SLC7A10: variants seen among roughly 807,000 people sequenced by gnomAD.
The protein encoded by SLC7A10 is asc-type amino acid transporter 1.
Under a neutral mutation model 52.7 loss-of-function variants are expected in SLC7A10, and 30 were observed. That is an observed-to-expected ratio of 0.57 (90% CI 0.43 to 0.77). SLC7A10 has a LOEUF of 0.77. Among genes scored for constraint, SLC7A10 ranks in the 30% least tolerant of loss-of-function variants. The pLI is 0.00. For synonymous variants in SLC7A10, 318 were observed against 314.9 expected (o/e 1.01, Z -0.10); for missense variants, 581 against 698.5 (o/e 0.83, Z 1.90).
intron 2 of SLC7A10, 22 bp from the exon 3 acceptor site, chr19:33,213,024 G>A (rs758680727): frequency 1.3e-6 from 2 of 1,576,512 alleles, no homozygotes; most frequent in African/African-American, 2.7e-5. Flanking sequence ...AGGGGCGGGA[G>A]TGGCTCAAGC....
chr19:33,220,679 T>C lies in SLC7A10; in HGVS notation c.152-4706A>G, dbSNP rs370957805. On this transcript the variant is annotated intron_variant, in intron 1 of 10. Coordinates refer to ENST00000253188, the MANE Select transcript of SLC7A10 (RefSeq NM_019849.3). ...ATAGACTGCTCTGCTAAATGAAATC[T>C]GTATATGCAACGAACCACTCAGCCG... Among the ~76,000 whole-genome samples the C allele has an allele frequency of 5.4e-4, 82 of 152,308 alleles. 1 individual carries two copies. In the South Asian group the frequency reaches 0.016, roughly 30 times the overall value.
Position 33,218,661 on chromosome 19 carries a change from A to ATTTC in SLC7A10, c.152-2692_152-2689dup, listed in dbSNP as rs1288783355. Among the ~76,000 whole-genome samples, 7 of 51,160 alleles carry ATTTC rather than the reference A, an allele frequency of 1.4e-4. 1 individual carries two copies. Among genetic ancestry groups the ATTTC allele is most frequent in the Non-Finnish European group, 2.0e-4 (4 of 19,996 alleles). 33.6% of individuals were successfully genotyped at this position (51,160 alleles called of 152,430 possible). A position where few individuals can be genotyped will look rare whatever the true frequency, so the allele number is the denominator to read the frequency against. On this transcript the variant is annotated intron_variant, in intron 1 of 10. Coordinates refer to ENST00000253188, the MANE Select transcript of SLC7A10 (RefSeq NM_019849.3). ...GGAGGGGTATGGGAGGGACCGGTGG[A>ATTTC]TTTCTTTCTTTCTTTCTTTCTTTTT...
Position 33,209,478 on chromosome 19 carries a change from A to C in SLC7A10, c.1271T>G (p.Leu424Arg), listed in dbSNP as rs768272084. 2 of 1,613,776 alleles carry C rather than the reference A, an allele frequency of 1.2e-6. No individual in the cohort carries two copies. Among genetic ancestry groups the C allele is most frequent in the South Asian group, 2.2e-5 (2 of 91,074 alleles). Residue 424 changes from leucine to arginine, a missense_variant, in exon 10 of 11, where the codon CTT (leucine) becomes CGT (arginine). Leu to Arg is a moderately radical substitution (Grantham distance 102). Coordinates refer to ENST00000253188, the MANE Select transcript of SLC7A10 (RefSeq NM_019849.3). Reference protein sequence around the residue: ...PALHRPIKVNLLIPVAYLVFW... With the variant: ...PALHRPIKVNRLIPVAYLVFW... ...GACCAAGTACGCCACGGGGATGAGA[A>C]GGTTCACCTGGGGAAGGGGGAGCAG...
Position 33,212,890 on chromosome 19 carries a change from G to C in SLC7A10, c.469C>G (p.Pro157Ala), listed in dbSNP as rs776698377. The C allele has an allele frequency of 5.6e-6, 9 of 1,614,186 alleles. No individual in the cohort carries two copies. Among genetic ancestry groups the C allele is most frequent in the African/African-American group, 1.3e-5 (1 of 75,068 alleles). Residue 157 changes from proline to alanine, a missense_variant, in exon 3 of 11, where the codon CCC becomes GCC. Pro to Ala is a conservative substitution (Grantham distance 27). Coordinates refer to ENST00000253188, the MANE Select transcript of SLC7A10 (RefSeq NM_019849.3). ...GACAGCACCCGGGAGGCTGTGGTGG[G>C]GGGGATGCAGTTGGGGAACACGGGC... The part of the protein sequence containing the change: ...LQPVFPNCIP[P>A]TTASRVLSMA...
At position 33,212,927 on chromosome 19, in the gene SLC7A10, G is replaced by C. The variant is rs1444859918; in HGVS notation, c.432C>G (p.Asn144Lys). ...SLAVISMTFS[N>K]YVLQPVFPNC... Reference sequence around the variant, plus strand: ...TGGGGAACACGGGCTGCAGCACGTAGTTGGAGAAGGTCATGGAGATGACAG... The same window carrying C: ...TGGGGAACACGGGCTGCAGCACGTACTTGGAGAAGGTCATGGAGATGACAG... Residue 144 changes from asparagine (N) to lysine (K), a missense_variant, in exon 3 of 11, where the codon AAC becomes AAG. Physicochemically the swap from Asn to Lys is moderately conservative, Grantham distance 94. Coordinates refer to ENST00000253188, the MANE Select transcript of SLC7A10 (RefSeq NM_019849.3). The C allele has an allele frequency of 6.2e-7, 1 of 1,614,088 alleles. No individual in the cohort carries two copies. Among genetic ancestry groups the C allele is most frequent in the Non-Finnish European group, 8.5e-7 (1 of 1,180,032 alleles).
chr19:33,224,681 C>T (rs1974884974), intron 1 of SLC7A10, among the ~76,000 whole-genome samples: 1 of 152,228 alleles, frequency 6.6e-6, no homozygotes, highest in Admixed American at 6.5e-5. Flanking sequence ...TGGAGGGGCT[C>T]AGAGGCACTC....
intron 2 of SLC7A10, 138 bp downstream of exon 2, chr19:33,215,631 C>CCCCAACACCTTCTCTCCATCCAG: frequency 2.3e-6 from 1 of 444,186 alleles, no homozygotes; most frequent in Non-Finnish European, 3.4e-6. Context: ...TCTCCATCCA[C>CCCCAACACCTTCTCTCCATCCAG]CCCCCACACC....
chr19:33,215,896 A>G lies in SLC7A10; in HGVS notation c.229T>C (p.Phe77Leu), dbSNP rs1355765786. ...ACGCCCCCACCCAGGACCCAGACGA[A>G]CAGGGCCAGACCCACGGAGCCTGAG... Reference protein sequence around the residue: ...EHSGSVGLALFVWVLGGGVTA... With the variant: ...EHSGSVGLALLVWVLGGGVTA... The change falls in exon 2 of 11, where the codon TTC becomes CTC. Residue 77 changes from phenylalanine (F) to leucine (L), a missense_variant. Phe to Leu is a conservative substitution (Grantham distance 22). Coordinates refer to ENST00000253188, the MANE Select transcript of SLC7A10 (RefSeq NM_019849.3). 1.2e-6 allele frequency: 2 copies of G among 1,611,118 alleles called. No individual in the cohort carries two copies. The highest frequency in any genetic ancestry group is 1.6e-4 in the Middle Eastern group (1 of 6,074).
intron 1 of SLC7A10, among the ~76,000 whole-genome samples, chr19:33,222,799 G>A (rs570638358): frequency 3.3e-5 from 5 of 152,156 alleles, no homozygotes; most frequent in East Asian, 3.9e-4. Flanking sequence ...TGCAGTGGCC[G>A]GCGGGCACTG....
rs777895838 is a variant in SLC7A10, at chr19:33,209,444, G to T, written c.1305C>A (p.Ala435=). The T allele has an allele frequency of 6.2e-7, 1 of 1,613,906 alleles. No homozygotes were observed. The highest frequency in any genetic ancestry group is 1.3e-5 in the African/African-American group (1 of 74,918). The change falls in exon 10 of 11, where the codon GCC becomes GCA. Residue 435 remains alanine, a synonymous_variant. Coordinates refer to ENST00000253188, the MANE Select transcript of SLC7A10 (RefSeq NM_019849.3). ...LIPVAYLVFW[A]FLLVFSFISE... ...AGATGAAGCTGAAGACCAGCAGGAA[G>T]GCCCAGAAGACCAAGTACGCCACGG...
chr19:33,219,660 AG>A (rs34981363), intron 1 of SLC7A10, among the ~76,000 whole-genome samples: 1 of 152,232 alleles, frequency 6.6e-6, no homozygotes, highest in Non-Finnish European at 1.5e-5. Context: ...ACTTCAGCAG[AG>A]GGGATGCACC....
At chr19:33,221,840 C>G (rs928801724) in intron 1 of SLC7A10, among the ~76,000 whole-genome samples, 7 of 152,202 alleles carry the variant, frequency 4.6e-5, no homozygotes, top group Non-Finnish European at 1.0e-4. Context: ...CCAGGGGGGA[C>G]TCCCACTTTG....
At chr19:33,211,152 C>T in intron 7 of SLC7A10, 73 bp downstream of exon 7, 1 of 1,445,600 alleles carries the variant, frequency 6.9e-7, no homozygotes, top group African/African-American at 1.4e-5. Context: ...CTTCCTCTGG[C>T]CCACGGCATG....
intron 1 of SLC7A10, among the ~76,000 whole-genome samples, chr19:33,222,603 G>A (rs1599960181): frequency 6.6e-6 from 1 of 152,184 alleles, no homozygotes; most frequent in East Asian, 1.9e-4. Context: ...TCTGTAAAAT[G>A]GGTATAAAAA....
At chr19:33,218,443 T>G (rs114295304) in intron 1 of SLC7A10, among the ~76,000 whole-genome samples, 1 of 151,966 alleles carries the variant, frequency 6.6e-6, no homozygotes. Flanking sequence ...CCTAGACCAC[T>G]CGCAGCATCT....
At chr19:33,212,240 CCCA>C (rs1453745582) in intron 5 of SLC7A10, 49 bp downstream of exon 5, 2 of 1,561,944 alleles carry the variant, frequency 1.3e-6, no homozygotes, top group Non-Finnish European at 1.7e-6. Context: ...GGCTGCCTGT[CCCA>C]CCAGAGGGCC....
At chr19:33,221,385 G>A (rs73575754) in intron 1 of SLC7A10, among the ~76,000 whole-genome samples, 1,936 of 152,300 alleles carry the variant, frequency 0.013, 51 homozygotes, top group African/African-American at 0.044. Flanking sequence ...GCCTGACACC[G>A]TTCAGTATGT....
At chr19:33,209,995 C>T (rs1017401831) in intron 9 of SLC7A10, among the ~76,000 whole-genome samples, 8 of 150,080 alleles carry the variant, frequency 5.3e-5, no homozygotes, top group South Asian at 2.1e-4. Flanking sequence ...GGTTGGAGTA[C>T]GGTGGCCCTA....
chr19:33,216,515 A>G (rs888450142), intron 1 of SLC7A10, among the ~76,000 whole-genome samples: 3 of 152,216 alleles, frequency 2.0e-5, no homozygotes, highest in African/African-American at 7.2e-5. Flanking sequence ...AGACTCATGG[A>G]GTGGCTCAGG....
Sources: gnomAD v4.1 joint callset for allele counts (sites outside exome capture counted in the v4.1 genomes callset) on GRCh38, gnomAD v4.1.1 for gene constraint, MANE v1.5 for transcripts, NCBI Gene and HGNC (gene_info 2026-07-23, HGNC 2026-07-21) for gene names.